GAREM1: variants seen among roughly 807,000 people sequenced by gnomAD.
GAREM1 encodes the protein GRB2-associated and regulator of MAPK protein 1.
GAREM1 carries 26 observed loss-of-function variants against 71.3 expected under a neutral mutation model. That is an observed-to-expected ratio of 0.36 (90% CI 0.27 to 0.51). The LOEUF (loss-of-function observed/expected upper bound fraction) is 0.51. GAREM1 is among the 20% of genes least tolerant of loss of function. The pLI, the probability that GAREM1 is intolerant of heterozygous loss-of-function variation, is 0.95. For synonymous variants in GAREM1, 440 were observed against 433.2 expected (o/e 1.02, Z -0.20); for missense variants, 1,026 against 1,103.1 (o/e 0.93, Z 0.99).
chr18:32,355,530 T>C (rs936913995), intron 2 of GAREM1, among the ~76,000 whole-genome samples: 8 of 152,218 alleles, frequency 5.3e-5, no homozygotes, highest in Admixed American at 6.5e-5. Flanking sequence ...TTATGCTCAA[T>C]GTTTCATCAC....
intron 1 of GAREM1, among the ~76,000 whole-genome samples, chr18:32,398,007 A>C (rs1035332022): frequency 2.6e-5 from 4 of 152,230 alleles, no homozygotes; most frequent in Admixed American, 1.3e-4. Flanking sequence ...AGGATTAAGA[A>C]ACTCACTCAA....
At chr18:32,378,168 T>C (rs1233736071) in intron 2 of GAREM1, among the ~76,000 whole-genome samples, 2 of 152,126 alleles carry the variant, frequency 1.3e-5, no homozygotes, top group Non-Finnish European at 2.9e-5. Flanking sequence ...TATAGTTGTC[T>C]GTTCTTTCAA....
intron 2 of GAREM1, among the ~76,000 whole-genome samples, chr18:32,389,659 A>C (rs1282054291): frequency 2.6e-5 from 4 of 152,160 alleles, no homozygotes; most frequent in Non-Finnish European, 5.9e-5. Flanking sequence ...AAATTGGTAA[A>C]ATATACATAT....
intron 4 of GAREM1, among the ~76,000 whole-genome samples, chr18:32,279,224 G>A (rs994537305): frequency 6.6e-6 from 1 of 152,162 alleles, no homozygotes; most frequent in African/African-American, 2.4e-5. Flanking sequence ...TTATCCAATA[G>A]AACAGGGTCC....
intron 2 of GAREM1, among the ~76,000 whole-genome samples, chr18:32,385,928 G>A (rs983599244): frequency 3.3e-5 from 5 of 152,130 alleles, no homozygotes; most frequent in East Asian, 1.9e-4. Flanking sequence ...CTGAGTTAAC[G>A]AAGTGCCCAA....
chr18:32,445,152 C>A (rs1378682094), intron 1 of GAREM1, among the ~76,000 whole-genome samples: 1 of 152,128 alleles, frequency 6.6e-6, no homozygotes, highest in East Asian at 1.9e-4. Flanking sequence ...ACCTCATCAT[C>A]TTACTTTTCC....
At chr18:32,451,043 G>A (rs2048833281) in intron 1 of GAREM1, among the ~76,000 whole-genome samples, 1 of 152,126 alleles carries the variant, frequency 6.6e-6, no homozygotes, top group African/African-American at 2.4e-5. Flanking sequence ...CAGCTACTTA[G>A]AGGGGCTGAG....
At chr18:32,294,538 G>A (rs1270417032) in intron 3 of GAREM1, among the ~76,000 whole-genome samples, 1 of 152,208 alleles carries the variant, frequency 6.6e-6, no homozygotes, top group Admixed American at 6.5e-5. Flanking sequence ...TCTACATGGT[G>A]TTTTGGCAAG....
chr18:32,300,185 A>G (rs544624115), intron 3 of GAREM1, among the ~76,000 whole-genome samples: 2 of 152,210 alleles, frequency 1.3e-5, no homozygotes, highest in Non-Finnish European at 2.9e-5. Context: ...CTCATGCCCT[A>G]AAGACTCCAG....
chr18:32,272,401 G>A (rs1358903552), intron 4 of GAREM1, among the ~76,000 whole-genome samples: 1 of 152,198 alleles, frequency 6.6e-6, no homozygotes, highest in East Asian at 1.9e-4. Flanking sequence ...CCAGTGGGTT[G>A]GTGAAAGGGA....
chr18:32,431,397 A>C (rs186581595), intron 1 of GAREM1, among the ~76,000 whole-genome samples: 1 of 152,320 alleles, frequency 6.6e-6, no homozygotes, highest in Admixed American at 6.5e-5. Context: ...TGGGAGGCCG[A>C]GGCAGGCGGA....
chr18:32,426,144 G>A (rs868631176), intron 1 of GAREM1, among the ~76,000 whole-genome samples: 2 of 151,828 alleles, frequency 1.3e-5, no homozygotes, highest in South Asian at 2.1e-4. Context: ...TCAGCCTCCC[G>A]AGTAGCTGGG....
intron 3 of GAREM1, among the ~76,000 whole-genome samples, chr18:32,293,762 T>C (rs1376351671): frequency 6.6e-5 from 10 of 152,194 alleles, no homozygotes; most frequent in Non-Finnish European, 1.2e-4. Flanking sequence ...CCTTGGACAG[T>C]ACCTTGACCA....
At chr18:32,282,264 A>T (rs2046961688) in intron 4 of GAREM1, among the ~76,000 whole-genome samples, 1 of 152,008 alleles carries the variant, frequency 6.6e-6, no homozygotes, top group African/African-American at 2.4e-5. Context: ...ACCAAAATAA[A>T]ATTTAAAAAA....
chr18:32,423,489 C>T (rs2048541188), intron 1 of GAREM1, among the ~76,000 whole-genome samples: 1 of 152,044 alleles, frequency 6.6e-6, no homozygotes, highest in South Asian at 2.1e-4. Context: ...AGAATTATAC[C>T]AGCTCCAAGG....
At chr18:32,406,433 T>C (rs1215341526) in intron 1 of GAREM1, among the ~76,000 whole-genome samples, 1 of 152,192 alleles carries the variant, frequency 6.6e-6, no homozygotes, top group African/African-American at 2.4e-5. Flanking sequence ...ATTCTGGTAG[T>C]ATTTCTCTGT....
intron 2 of GAREM1, among the ~76,000 whole-genome samples, chr18:32,317,338 T>C (rs759514899): frequency 2.8e-5 from 4 of 144,098 alleles, no homozygotes; most frequent in Admixed American, 7.2e-5. Flanking sequence ...CCAGGAGGCA[T>C]AGGTTGCAGT....
intron 1 of GAREM1, among the ~76,000 whole-genome samples, chr18:32,406,015 A>G (rs1415453229): frequency 6.6e-6 from 1 of 152,216 alleles, no homozygotes; most frequent in East Asian, 1.9e-4. Context: ...AATAATCACA[A>G]AAGTTTTATT....
At chr18:32,417,476 C>T (rs945775325) in intron 1 of GAREM1, among the ~76,000 whole-genome samples, 1 of 152,122 alleles carries the variant, frequency 6.6e-6, no homozygotes, top group African/African-American at 2.4e-5. Context: ...CCTAAGCATC[C>T]ATCAGCAGAT....
Sources: allele counts gnomAD v4.1 joint callset (sites outside exome capture counted in the v4.1 genomes callset), GRCh38; gene constraint gnomAD v4.1.1; transcripts MANE v1.5; gene names NCBI Gene and HGNC (gene_info 2026-07-23, HGNC 2026-07-21).